NHSL1: variants seen among roughly 807,000 people sequenced by gnomAD.
NHSL1 encodes NHS like 1.
A neutral mutation model predicts 95.0 loss-of-function variants in NHSL1; 48 were observed. The observed-to-expected ratio is 0.51, with a 90% CI of 0.40 to 0.64. NHSL1 has a LOEUF of 0.64. Among genes scored for constraint, NHSL1 ranks in the 30% least tolerant of loss-of-function variants. NHSL1 has a pLI of 0.00. For missense variants in NHSL1, 1,971 were observed against 2,077.7 expected (o/e 0.95, Z 1.00); for synonymous variants, 783 against 833.9 (o/e 0.94, Z 1.05).
chr6:138,505,452 G>A (rs1281993042), intron 1 of NHSL1, among the ~76,000 whole-genome samples: 3 of 151,920 alleles, frequency 2.0e-5, no homozygotes, highest in African/African-American at 7.3e-5. Flanking sequence ...TCAGGAGATC[G>A]AGACCATCCT....
In NHSL1 at chr6:138,683,726, C is replaced by T. The variant is rs560903940; in HGVS notation, c.96+8750G>A. On this transcript the variant is annotated intron_variant, in intron 1 of 3. Transcript: ENST00000491526. Reference sequence around the variant, plus strand: ...GGACTAATCCTGGAGACAGCCCTGGCCTGGTTCAAAGCCTAGCTCCATTGC... The same window carrying T: ...GGACTAATCCTGGAGACAGCCCTGGTCTGGTTCAAAGCCTAGCTCCATTGC... Among the ~76,000 whole-genome samples the T allele has an allele frequency of 2.8e-4, 43 of 152,328 alleles. No homozygotes were observed. The East Asian group carries it at 7.7e-3, about 27-fold the overall frequency.
chr6:138,655,935 G>A (rs1785150545), intron 1 of NHSL1, among the ~76,000 whole-genome samples: 1 of 152,124 alleles, frequency 6.6e-6, no homozygotes. Context: ...GACATACACA[G>A]TTCCGATGTG....
intron 5 of NHSL1, among the ~76,000 whole-genome samples, chr6:138,437,847 A>G (rs1308279597): frequency 6.6e-6 from 1 of 152,212 alleles, no homozygotes; most frequent in African/African-American, 2.4e-5. Flanking sequence ...AAGGAACTAG[A>G]GTTAGAAGTG....
intron 1 of NHSL1, among the ~76,000 whole-genome samples, chr6:138,612,466 C>T (rs1784527278): frequency 6.6e-6 from 1 of 152,152 alleles, no homozygotes. Context: ...TCAAGATATA[C>T]TATTGTTAAA....
Position 138,423,468 on chromosome 6 carries a change from T to C in NHSL1, c.*613A>G, listed in dbSNP as rs1454832404. 1 of 152,226 alleles carries C rather than the reference T, an allele frequency of 6.6e-6. No individual in the cohort carries two copies. Among genetic ancestry groups the C allele is most frequent in the East Asian group, 1.9e-4 (1 of 5,200 alleles). 9.4% of individuals were successfully genotyped at this position (152,226 alleles called of 1,614,324 possible). Reference sequence around the variant, plus strand: ...TCTACCTCCCCCAGAAAAAAGTACCTGAACCAATTAGTCACTTAGCCCCTT... The same window carrying C: ...TCTACCTCCCCCAGAAAAAAGTACCCGAACCAATTAGTCACTTAGCCCCTT... On this transcript the variant is annotated 3_prime_UTR_variant, in exon 8 of 8. Transcript: ENST00000343505.
At chr6:138,569,951 C>T (rs1422002078) in intron 1 of NHSL1, among the ~76,000 whole-genome samples, 3 of 152,178 alleles carry the variant, frequency 2.0e-5, no homozygotes, top group Non-Finnish European at 4.4e-5. Flanking sequence ...ACTGTATCCC[C>T]TATTCCGTTA....
intron 1 of NHSL1, among the ~76,000 whole-genome samples, chr6:138,530,154 A>G (rs940027833): frequency 6.6e-6 from 1 of 152,226 alleles, no homozygotes; most frequent in Admixed American, 6.5e-5. Context: ...TGATTAGGTC[A>G]TCAGAGTGGA....
In NHSL1 at chr6:138,656,797, G is replaced by A. The variant is rs544985246; in HGVS notation, c.96+35679C>T. 9.9e-5 allele frequency among the ~76,000 whole-genome samples: 15 copies of A among 152,234 alleles called. No homozygotes were observed. In the East Asian group the frequency reaches 2.1e-3, roughly 22 times the overall value. The stretch of plus-strand genomic sequence containing the variant: ...TGCTATTGATGTGATCCAAAAAAGC[G>A]TTCAGCTTCAAAAGAAGCTGCCAAA... On this transcript the variant is annotated intron_variant, in intron 1 of 3. Coordinates refer to the NHSL1 transcript ENST00000491526.
chr6:138,545,558 G>T, intron 1 of NHSL1: 1 of 1,147,648 alleles, frequency 8.7e-7, no homozygotes, highest in Non-Finnish European at 1.2e-6. Flanking sequence ...TTTAGACTCT[G>T]ATGCTAAATG....
At chr6:138,534,582 G>T (rs917112530) in intron 1 of NHSL1, among the ~76,000 whole-genome samples, 1 of 152,166 alleles carries the variant, frequency 6.6e-6, no homozygotes, top group African/African-American at 2.4e-5. Flanking sequence ...CAACATTTAA[G>T]TTAGTTCTCT....
chr6:138,668,222 T>C (rs1244357075), intron 1 of NHSL1, among the ~76,000 whole-genome samples: 1 of 152,110 alleles, frequency 6.6e-6, no homozygotes, highest in African/African-American at 2.4e-5. Flanking sequence ...CCGAGGTGGA[T>C]GGATCACCTG....
intron 1 of NHSL1, among the ~76,000 whole-genome samples, chr6:138,511,569 G>C (rs906782498): frequency 2.0e-5 from 3 of 152,102 alleles, no homozygotes; most frequent in African/African-American, 7.2e-5. Context: ...TTACAGGCAT[G>C]AGCCACCACG....
upstream of NHSL1, among the ~76,000 whole-genome samples, chr6:138,576,510 C>T (rs1486819632): frequency 1.3e-5 from 2 of 152,188 alleles, no homozygotes; most frequent in East Asian, 3.8e-4. Flanking sequence ...CTGTCAAATT[C>T]GAACTTCTGC....
At chr6:138,486,479 G>A (rs532717260) in intron 2 of NHSL1, among the ~76,000 whole-genome samples, 198 of 152,102 alleles carry the variant, frequency 1.3e-3, no homozygotes, top group African/African-American at 4.6e-3. Flanking sequence ...ACCTGTGAGC[G>A]CCATGATGAC....
At position 138,425,509 on chromosome 6, in the gene NHSL1, C is replaced by A. The variant is rs1775205296; in HGVS notation, c.4086-693G>T. 2.6e-5 allele frequency among the ~76,000 whole-genome samples: 4 copies of A among 152,186 alleles called. No homozygotes were observed. The South Asian group carries it at 8.3e-4, about 32-fold the overall frequency. ...CTATGATAATCATTAATTACGGTCACCCTTCTTTTGTCTCCACCCTCCCTA... is the reference window on the plus strand; with the variant it reads ...CTATGATAATCATTAATTACGGTCAACCTTCTTTTGTCTCCACCCTCCCTA... On this transcript the variant is annotated intron_variant, in intron 7 of 7. Transcript: ENST00000343505.
chr6:138,504,284 C>T (rs189129791), upstream of NHSL1, among the ~76,000 whole-genome samples: 238 of 152,240 alleles, frequency 1.6e-3, no homozygotes, highest in African/African-American at 5.5e-3. Context: ...TATTCGCTGC[C>T]TTGTGTTAGG....
chr6:138,458,585 T>C (rs967616218), intron 3 of NHSL1, among the ~76,000 whole-genome samples: 4 of 151,996 alleles, frequency 2.6e-5, no homozygotes, highest in African/African-American at 9.7e-5. Context: ...TCCCAGCACT[T>C]TGGGAGGCCA....
chr6:138,589,296 A>C (rs1160828805), intron 1 of NHSL1, among the ~76,000 whole-genome samples: 1 of 152,204 alleles, frequency 6.6e-6, no homozygotes, highest in African/African-American at 2.4e-5. Flanking sequence ...GGGCCATATC[A>C]AATGACCTGA....
upstream of NHSL1, among the ~76,000 whole-genome samples, chr6:138,572,790 T>C (rs796622445): frequency 9.2e-5 from 14 of 152,210 alleles, no homozygotes; most frequent in African/African-American, 3.4e-4. Context: ...AAGAACTTGA[T>C]TATGAATTAT....
Sources: gnomAD v4.1 joint callset for allele counts (sites outside exome capture counted in the v4.1 genomes callset) on GRCh38, gnomAD v4.1.1 for gene constraint, MANE v1.5 for transcripts, NCBI Gene and HGNC (gene_info 2026-07-23, HGNC 2026-07-21) for gene names.